The following CCBE1 variants were observed in gnomAD, a reference collection of about 807,000 sequenced individuals.
CCBE1 encodes the protein collagen and calcium-binding EGF domain-containing protein 1.
CCBE1 carries 37 observed loss-of-function variants against 50.0 expected under a neutral mutation model. The observed-to-expected ratio is 0.74, with a 90% CI of 0.57 to 0.97. The LOEUF (loss-of-function observed/expected upper bound fraction) is 0.97, where lower values mean the gene tolerates loss of function less well. Among genes scored for constraint, CCBE1 ranks in the 50% least tolerant of loss-of-function variants. CCBE1 has a pLI of 0.00. For missense variants in CCBE1, 538 were observed against 523.8 expected (o/e 1.03, Z -0.26); for synonymous variants, 234 against 203.7 (o/e 1.15, Z -1.27).
intron 2 of CCBE1, among the ~76,000 whole-genome samples, chr18:59,630,524 T>G (rs2053837240): frequency 6.6e-6 from 1 of 152,162 alleles, no homozygotes; most frequent in Admixed American, 6.6e-5. Flanking sequence ...GGTGTGGCAT[T>G]AAAGGTCCCA....
chr18:59,688,289 AAATT>A (rs1389262099), intron 2 of CCBE1: 1 of 152,094 alleles, frequency 6.6e-6, no homozygotes, highest in East Asian at 1.9e-4. Context: ...TCTCTACAAA[AAATT>A]AAATTAGTCA....
intron 2 of CCBE1, among the ~76,000 whole-genome samples, chr18:59,604,294 T>C (rs2053468334): frequency 2.6e-5 from 4 of 152,184 alleles, no homozygotes; most frequent in Admixed American, 2.6e-4. Context: ...TGTCCAAGGG[T>C]GCAGAGCCTG....
intron 2 of CCBE1, among the ~76,000 whole-genome samples, chr18:59,537,246 A>T (rs1259130310): frequency 3.9e-5 from 6 of 152,270 alleles, no homozygotes; most frequent in Non-Finnish European, 8.8e-5. Flanking sequence ...CGTCTATCAT[A>T]TTTACAGTCT....
chr18:59,598,174 G>T (rs992639853), intron 2 of CCBE1, among the ~76,000 whole-genome samples: 1 of 152,174 alleles, frequency 6.6e-6, no homozygotes, highest in African/African-American at 2.4e-5. Flanking sequence ...TTAGCACAAA[G>T]GGATTTATTA....
chr18:59,575,840 G>C (rs556949552), intron 2 of CCBE1, among the ~76,000 whole-genome samples: 1 of 152,178 alleles, frequency 6.6e-6, no homozygotes, highest in African/African-American at 2.4e-5. Context: ...CTCCCACCTC[G>C]CCAATTTTGC....
chr18:59,611,682 G>A (rs992825626), intron 2 of CCBE1, among the ~76,000 whole-genome samples: 5 of 152,138 alleles, frequency 3.3e-5, no homozygotes, highest in Non-Finnish European at 5.9e-5. Flanking sequence ...GGAGGCTGAG[G>A]TTGCAGTGAA....
chr18:59,490,035 G>A (rs1260411519), intron 2 of CCBE1, among the ~76,000 whole-genome samples: 1 of 143,208 alleles, frequency 7.0e-6, no homozygotes, highest in African/African-American at 2.6e-5. Flanking sequence ...CGCCCAGGCT[G>A]GAGTGCAGTG....
chr18:59,589,808 A>AAAG (rs2053234841), intron 2 of CCBE1, among the ~76,000 whole-genome samples: 2 of 132,358 alleles, frequency 1.5e-5, no homozygotes, highest in African/African-American at 5.3e-5. Context: ...AAAAAAAAAA[A>AAAG]AAAGAAAGAA....
intron 2 of CCBE1, among the ~76,000 whole-genome samples, chr18:59,654,791 C>CAA (rs34690890): frequency 0.011 from 1,034 of 94,150 alleles, 26 homozygotes; most frequent in South Asian, 0.04. Context: ...ACTCCGTCTC[C>CAA]AAAAAAAAAA....
At chr18:59,497,441 A>C (rs541980365) in intron 2 of CCBE1, among the ~76,000 whole-genome samples, 5 of 152,114 alleles carry the variant, frequency 3.3e-5, no homozygotes, top group Non-Finnish European at 7.4e-5. Context: ...AGACATCAAA[A>C]AGCACTCAGC....
intron 2 of CCBE1, among the ~76,000 whole-genome samples, chr18:59,499,037 A>G (rs1322645644): frequency 6.6e-6 from 1 of 152,210 alleles, no homozygotes; most frequent in East Asian, 1.9e-4. Flanking sequence ...TGTAACCTTG[A>G]AAACTTGCCA....
At chr18:59,508,350 A>C (rs9963834) in intron 2 of CCBE1, among the ~76,000 whole-genome samples, 51,799 of 151,330 alleles carry the variant, frequency 0.34, 9,420 homozygotes, top group East Asian at 0.5. Context: ...GTAATCCCAG[A>C]ACTTTGGGAG....
intron 3 of CCBE1, among the ~76,000 whole-genome samples, chr18:59,477,249 C>G (rs1395315328): frequency 6.6e-6 from 1 of 152,114 alleles, no homozygotes; most frequent in Non-Finnish European, 1.5e-5. Flanking sequence ...TTAGGTGGTC[C>G]CTTAGTATTG....
intron 7 of CCBE1, among the ~76,000 whole-genome samples, chr18:59,446,074 C>T (rs1022883659): frequency 6.6e-6 from 1 of 152,174 alleles, no homozygotes; most frequent in African/African-American, 2.4e-5. Context: ...ACCACAAACA[C>T]TAGAAGTTAA....
chr18:59,464,064 T>C (rs8089623), intron 5 of CCBE1: 142,356 of 152,322 alleles, frequency 0.93, 66,863 homozygotes, highest in Non-Finnish European at 0.99. Flanking sequence ...ACATCATCTA[T>C]GAGGTAAGTT....
intron 1 of CCBE1, 120 bp from the exon 2 acceptor site, chr18:59,696,829 A>G (rs553062132): frequency 8.9e-7 from 1 of 1,122,796 alleles, no homozygotes; most frequent in East Asian, 2.4e-5. Flanking sequence ...CGCTCTGGGC[A>G]GGGGCTGGTC....
At chr18:59,588,071 A>G (rs954157194) in intron 2 of CCBE1, among the ~76,000 whole-genome samples, 32 of 152,374 alleles carry the variant, frequency 2.1e-4, no homozygotes, top group African/African-American at 7.5e-4. Flanking sequence ...TAGATTGAAT[A>G]AAATCCTAAT....
chr18:59,650,619 G>T lies in CCBE1; in HGVS notation c.212+46010C>A, dbSNP rs140029185. On this transcript the variant is annotated intron_variant, in intron 2 of 10. Coordinates refer to ENST00000439986, the MANE Select transcript of CCBE1 (RefSeq NM_133459.4). ...ATTTGAATTGTAAAGTATTTCTGAT[G>T]CCCTGGGAAAGCTCACCACGCATTC... Among the ~76,000 whole-genome samples, 296 of 151,542 alleles carry T rather than the reference G, an allele frequency of 2.0e-3. 6 individuals carry two copies. The highest frequency in any genetic ancestry group is 0.019 in the Admixed American group (290 of 15,154).
intron 2 of CCBE1, among the ~76,000 whole-genome samples, chr18:59,652,157 C>A (rs556732098): frequency 6.6e-6 from 1 of 152,312 alleles, no homozygotes; most frequent in African/African-American, 2.4e-5. Flanking sequence ...AACACAATGA[C>A]CTCCAGTTTC....
Sources: allele counts gnomAD v4.1 joint callset (sites outside exome capture counted in the v4.1 genomes callset), GRCh38; gene constraint gnomAD v4.1.1; transcripts MANE v1.5; gene names NCBI Gene and HGNC (gene_info 2026-07-23, HGNC 2026-07-21).